The following OR1L8 variants were observed in gnomAD, a reference collection of about 807,000 sequenced individuals.
OR1L8 encodes olfactory receptor 1L8.
For missense variants in OR1L8, 330 were observed against 377.4 expected (o/e 0.87, Z 1.04); for synonymous variants, 148 against 147.0 (o/e 1.01, Z -0.05).
rs1329288342 is a variant in OR1L8, at chr9:122,576,868, T to G, written c.-444A>C. On this transcript the variant is annotated 5_prime_UTR_variant, in exon 3 of 5. Transcript: ENST00000641027. ...TCTGTCTCTCCAATTTGGGGGGCAG[T>G]GGGTTGCCGTGTGACCTCACTTCTC... 6.6e-6 allele frequency: 1 copy of G among 152,186 alleles called. No individual in the cohort carries two copies. The allele number at this position is 152,186 out of a possible 1,614,324, so 9.4% of individuals were successfully genotyped here.
chr9:122,580,623 G>T (rs932170501), intron 1 of OR1L8, among the ~76,000 whole-genome samples: 1 of 152,068 alleles, frequency 6.6e-6, no homozygotes, highest in Non-Finnish European at 1.5e-5. Flanking sequence ...AAAGGCAAAG[G>T]TTTCAATGAC....
intron 3 of OR1L8, among the ~76,000 whole-genome samples, chr9:122,573,150 T>C (rs1234365544): frequency 2.6e-5 from 4 of 152,192 alleles, no homozygotes; most frequent in Non-Finnish European, 5.9e-5. Context: ...CTGTGATCCT[T>C]GTTAGGCTGA....
chr9:122,554,721 T>C, the OR1L8 span, among the ~76,000 whole-genome samples: 47,126 of 152,134 alleles, frequency 0.31, 8,202 homozygotes, highest in East Asian at 0.81. Context: ...AAGGTTAATA[T>C]TGAATGATAA....
At position 122,567,578 on chromosome 9, in the gene OR1L8, G is replaced by A. The variant is rs974886025; in HGVS notation, c.900C>T (p.Gly300=). 1 of 1,600,748 alleles carries A rather than the reference G, an allele frequency of 6.2e-7. No homozygotes were observed. ...YSLRNKDLKQ[G]LRKLMSKRS is the part of the protein sequence containing the mutation. The stretch of plus-strand genomic sequence containing the variant: ...ATCTCTTGCTCATAAGCTTCCTCAG[G>A]CCCTGTTTCAGGTCTTTGTTTCTCA... Residue 300 remains glycine, a synonymous_variant, in exon 5 of 5, where the codon GGC becomes GGT. Transcript: ENST00000641027.
intron 2 of OR1L8, among the ~76,000 whole-genome samples, chr9:122,578,108 C>T (rs1281503732): frequency 1.3e-5 from 2 of 152,176 alleles, no homozygotes; most frequent in East Asian, 3.9e-4. Context: ...GTAGATATAC[C>T]ATTTGATCCA....
chr9:122,576,512 G>A (rs940117945), intron 3 of OR1L8, among the ~76,000 whole-genome samples: 3 of 152,036 alleles, frequency 2.0e-5, no homozygotes, highest in Admixed American at 6.6e-5. Flanking sequence ...TGGGATTACA[G>A]GCATGAGCCA....
In OR1L8 at chr9:122,568,301, AG is replaced by A; in HGVS notation, c.176del (p.Pro59LeufsTer6). 6.2e-7 allele frequency: 1 copy of A among 1,614,094 alleles called. No homozygotes were observed. Among genetic ancestry groups the A allele is most frequent in the Non-Finnish European group, 8.5e-7 (1 of 1,179,972 alleles). On this transcript the variant is annotated frameshift_variant, in exon 5 of 5. Transcript: ENST00000641027. LOFTEE classifies it low-confidence loss of function (END_TRUNC). ...AIRFNPHLQT[P>X]MYFFLSFLSL... ...ACAGAAAACTCAAGAAGAAATACAT[AG>A]GGGTCTGAAGATGGGGGTTGAAGCG...
chr9:122,582,664 A>G (rs1261191426), intron 1 of OR1L8, among the ~76,000 whole-genome samples: 1 of 152,108 alleles, frequency 6.6e-6, no homozygotes, highest in African/African-American at 2.4e-5. Context: ...AGGCTACAGT[A>G]AGCTACACCC....
rs1829453191 is a variant in OR1L8 at position 122,567,654 on chromosome 9, G to A, written c.824C>T (p.Thr275Ile). ...STYAVKDHVA[T>I]IVYTVLSSML... ...GGATGACAAAACTGTGTAAACAATT[G>A]TTGCCACGTGGTCCTTGACAGCGTA... Residue 275 changes from threonine (T) to isoleucine (I), a missense_variant, in exon 5 of 5, where the codon ACA becomes ATA. Thr to Ile is a moderately conservative substitution (Grantham distance 89). Coordinates refer to ENST00000641027, the MANE Select transcript of OR1L8 (RefSeq NM_001004454.2). 1 of 1,614,084 alleles carries A rather than the reference G, an allele frequency of 6.2e-7. No homozygotes were observed. The highest frequency in any genetic ancestry group is 2.2e-5 in the East Asian group (1 of 44,876).
At chr9:122,560,155 CT>C in the OR1L8 span, among the ~76,000 whole-genome samples, 4 of 150,902 alleles carry the variant, frequency 2.7e-5, no homozygotes, top group Non-Finnish European at 4.4e-5. Context: ...CACAACCCCT[CT>C]TTTTTTTTGC....
chr9:122,550,924 GAAAAA>G, the OR1L8 span, among the ~76,000 whole-genome samples: 45 of 142,688 alleles, frequency 3.2e-4, no homozygotes, highest in South Asian at 7.5e-3. Flanking sequence ...AACAATCAGG[GAAAAA>G]AAAAAAAGAC....
At chr9:122,553,754 T>C in the OR1L8 span, 805,845 of 1,612,128 alleles carry the variant, frequency 0.5, 203,483 homozygotes, top group East Asian at 0.62. Flanking sequence ...CTCATTTCTA[T>C]TGTGATCCTA....
chr9:122,569,508 T>C (rs1829500948), intron 4 of OR1L8, among the ~76,000 whole-genome samples: 1 of 152,236 alleles, frequency 6.6e-6, no homozygotes, highest in African/African-American at 2.4e-5. Context: ...ATTAAAGTTT[T>C]TGAGTAAGCA....
chr9:122,568,580 G>A lies in OR1L8; in HGVS notation c.-103C>T, dbSNP rs1999183. Reference sequence around the variant, plus strand: ...AGCAAGTCTTTGTTTCTTCTGTTTGGTCACAATTAGCTACTGTGCTAATTG... The same window carrying A: ...AGCAAGTCTTTGTTTCTTCTGTTTGATCACAATTAGCTACTGTGCTAATTG... On this transcript the variant is annotated 5_prime_UTR_variant, in exon 5 of 5. Coordinates refer to ENST00000641027, the MANE Select transcript of OR1L8 (RefSeq NM_001004454.2). 0.25 allele frequency: 179,356 copies of A among 707,420 alleles called. 23,938 individuals are homozygous for A. The highest frequency in any genetic ancestry group is 0.3 in the Middle Eastern group (757 of 2,508). The allele number at this position is 707,420 out of a possible 1,614,324, so 43.8% of individuals were successfully genotyped here. A position where few individuals can be genotyped will look rare whatever the true frequency, so the allele number is the denominator to read the frequency against.
the OR1L8 span, among the ~76,000 whole-genome samples, chr9:122,549,260 G>C: frequency 8.4e-4 from 128 of 152,234 alleles, no homozygotes; most frequent in African/African-American, 2.8e-3. Context: ...CTTGCCATAT[G>C]ATATGCTGGC....
At chr9:122,551,812 T>C in the OR1L8 span, among the ~76,000 whole-genome samples, 45,734 of 151,872 alleles carry the variant, frequency 0.3, 7,417 homozygotes, top group East Asian at 0.54. Context: ...TAAGAGATAT[T>C]CCTGTCTTCT....
At chr9:122,551,936 A>G in the OR1L8 span, among the ~76,000 whole-genome samples, 3 of 151,238 alleles carry the variant, frequency 2.0e-5, no homozygotes, top group Non-Finnish European at 4.4e-5. Context: ...AGAGTTTTTT[A>G]TTATGAATTA....
chr9:122,582,707 C>A (rs1009188425), intron 1 of OR1L8, among the ~76,000 whole-genome samples: 14 of 151,922 alleles, frequency 9.2e-5, no homozygotes, highest in African/African-American at 2.9e-4. Flanking sequence ...CAGAGTGAGA[C>A]CCTGTCTCTT....
At chr9:122,560,498 A>C in the OR1L8 span, among the ~76,000 whole-genome samples, 1 of 152,090 alleles carries the variant, frequency 6.6e-6, no homozygotes, top group African/African-American at 2.4e-5. Context: ...TGCTTCCTTC[A>C]GGAGCTCTTG....
Sources: gnomAD v4.1 joint callset for allele counts (sites outside exome capture counted in the v4.1 genomes callset) on GRCh38, gnomAD v4.1.1 for gene constraint, MANE v1.5 for transcripts, NCBI Gene and HGNC (gene_info 2026-07-23, HGNC 2026-07-21) for gene names.